SLCO1B3: variants seen among roughly 807,000 people sequenced by gnomAD.
The protein encoded by SLCO1B3 is liver-specific organic anion transporter 2.
SLCO1B3 carries 72 observed loss-of-function variants against 71.8 expected under a neutral mutation model. That is an observed-to-expected ratio of 1.00 (90% CI 0.83 to 1.22). The LOEUF is 1.22. Among genes scored for constraint, SLCO1B3 ranks in the 50% most tolerant of loss-of-function variants. The pLI, the probability that SLCO1B3 is intolerant of heterozygous loss-of-function variation, is 0.00. For missense variants in SLCO1B3, 911 were observed against 819.7 expected (o/e 1.11, Z -1.36); for synonymous variants, 298 against 278.4 (o/e 1.07, Z -0.70).
intron 3 of SLCO1B3, among the ~76,000 whole-genome samples, chr12:20,845,877 G>A (rs1452613551): frequency 6.6e-6 from 1 of 151,636 alleles, no homozygotes; most frequent in Non-Finnish European, 1.5e-5. Flanking sequence ...AGTAGTAATT[G>A]TTTTATGAAT....
intron 3 of SLCO1B3, among the ~76,000 whole-genome samples, chr12:20,841,079 A>C (rs574686657): frequency 6.6e-6 from 1 of 150,458 alleles, no homozygotes; most frequent in Admixed American, 6.6e-5. Context: ...ATTATAGTAC[A>C]TTTTTTTTTC....
intron 3 of SLCO1B3, among the ~76,000 whole-genome samples, chr12:20,829,949 G>C (rs886383613): frequency 2.0e-5 from 3 of 152,116 alleles, no homozygotes; most frequent in Non-Finnish European, 4.4e-5. Context: ...GTGGGTTTTG[G>C]CCAGCTCCTT....
intron 13 of SLCO1B3, among the ~76,000 whole-genome samples, chr12:20,885,737 G>T (rs999001380): frequency 3.5e-4 from 53 of 151,942 alleles, no homozygotes; most frequent in Non-Finnish European, 6.3e-4. Flanking sequence ...TTAGAAAAAA[G>T]TGTGTGAGGA....
intron 15 of SLCO1B3, among the ~76,000 whole-genome samples, chr12:20,912,647 C>T (rs537509515): frequency 2.2e-4 from 34 of 151,934 alleles, no homozygotes; most frequent in Middle Eastern, 6.8e-3. Flanking sequence ...CCTCAGCCTC[C>T]TGAATAGCTG....
At position 20,903,073 on chromosome 12, in the gene SLCO1B3, C is replaced by CAAAAAAAAA. The variant is rs55777703; in HGVS notation, c.1865+1613_1865+1621dup. Among the ~76,000 whole-genome samples the CAAAAAAAAA allele has an allele frequency of 1.6e-3, 200 of 128,440 alleles. 2 individuals carry two copies. The highest frequency in any genetic ancestry group is 4.4e-3 in the Middle Eastern group (1 of 228). The allele number at this position is 128,440 out of a possible 152,430, so 84.3% of individuals were successfully genotyped here. ...TGGGCGACAGAGCAGGATTCCATCT[C>CAAAAAAAAA]AAAAAAAAAAAAAAATCAATGCAAA... On this transcript the variant is annotated intron_variant, in intron 15 of 15. Coordinates refer to ENST00000381545, the MANE Select transcript of SLCO1B3 (RefSeq NM_019844.4).
chr12:20,883,476 C>A lies in SLCO1B3; in HGVS notation c.1556C>A (p.Ala519Glu). ...VTGLQNRNYS[A>E]HLGECPRDNT... The stretch of plus-strand genomic sequence containing the variant: ...GGTCTCCAGAACAGAAATTACTCAG[C>A]ACACTTGGGTGAATGCCCAAGAGAT... The change falls in exon 13 of 16, where the codon GCA (alanine) becomes GAA (glutamate). Residue 519 changes from alanine (A) to glutamate (E), a missense_variant. Transcript: ENST00000381545. The A allele has an allele frequency of 6.3e-7, 1 of 1,594,230 alleles. No homozygotes were observed. Among genetic ancestry groups the A allele is most frequent in the South Asian group, 1.1e-5 (1 of 88,180 alleles).
rs1013452219 is a variant in SLCO1B3, at chr12:20,854,892, G to A, written c.85-136G>A. On this transcript the variant is annotated intron_variant, in intron 3 of 15. Transcript: ENST00000381545. Reference sequence around the variant, plus strand: ...TTATAGGGCTGAGAAGTTTCAACTTGTATAGGGAAAAATGGGTATTTTTTT... The same window carrying A: ...TTATAGGGCTGAGAAGTTTCAACTTATATAGGGAAAAATGGGTATTTTTTT... 3.1e-5 allele frequency: 24 copies of A among 771,036 alleles called. No homozygotes were observed. In the South Asian group the frequency reaches 4.2e-4, roughly 13 times the overall value. 47.8% of individuals were successfully genotyped at this position (771,036 alleles called of 1,614,324 possible).
At position 20,832,549 on chromosome 12, in the gene SLCO1B3, C is replaced by T. The variant is rs60951851; in HGVS notation, c.84+16727C>T. Reference sequence around the variant, plus strand: ...AGTCTCCCCTTTCTGCCTTCATTGTCACTCCCTTTCTGGAATAATCACTCC... The same window carrying T: ...AGTCTCCCCTTTCTGCCTTCATTGTTACTCCCTTTCTGGAATAATCACTCC... On this transcript the variant is annotated intron_variant, in intron 3 of 15. Transcript: ENST00000381545. 3.3e-3 allele frequency among the ~76,000 whole-genome samples: 503 copies of T among 152,138 alleles called. 15 individuals carry two copies. The East Asian group carries it at 0.079, about 24-fold the overall frequency.
intron 3 of SLCO1B3, among the ~76,000 whole-genome samples, chr12:20,850,373 G>A (rs1296588285): frequency 2.6e-5 from 4 of 151,178 alleles, no homozygotes; most frequent in Admixed American, 1.3e-4. Flanking sequence ...TCTGCCTCCC[G>A]GGATCACGCC....
intron 8 of SLCO1B3, among the ~76,000 whole-genome samples, chr12:20,869,433 G>A (rs1436240492): frequency 2.0e-5 from 3 of 152,124 alleles, no homozygotes; most frequent in African/African-American, 7.2e-5. Flanking sequence ...AAGAGTAATT[G>A]CTACAAACTA....
At chr12:20,831,939 A>G (rs1184210299) in intron 3 of SLCO1B3, among the ~76,000 whole-genome samples, 5 of 152,130 alleles carry the variant, frequency 3.3e-5, no homozygotes, top group Non-Finnish European at 5.9e-5. Context: ...CATCAACCAG[A>G]TGTTATTATC....
intron 3 of SLCO1B3, among the ~76,000 whole-genome samples, chr12:20,844,517 G>A (rs1317628383): frequency 6.6e-6 from 1 of 150,852 alleles, no homozygotes. Context: ...GCAGTGAGCC[G>A]AGATCACACC....
At chr12:20,850,504 G>C (rs954873045) in intron 3 of SLCO1B3, among the ~76,000 whole-genome samples, 2 of 151,856 alleles carry the variant, frequency 1.3e-5, no homozygotes, top group African/African-American at 4.8e-5. Flanking sequence ...GGATGGTCTC[G>C]ATCTCCTGAC....
chr12:20,866,445 A>C lies in SLCO1B3; in HGVS notation c.727+3591A>C, dbSNP rs542708571. On this transcript the variant is annotated intron_variant, in intron 8 of 15. Coordinates refer to ENST00000381545, the MANE Select transcript of SLCO1B3 (RefSeq NM_019844.4). ...GATGCAAGATTGCTATCAGAAAGGC[A>C]TAACTGTAGACTCGAAACATGATTC... is the stretch of plus-strand genomic sequence containing the variant. 3.3e-5 allele frequency among the ~76,000 whole-genome samples: 4 copies of C among 120,990 alleles called. No homozygotes were observed. The South Asian group carries it at 1.5e-3, about 45-fold the overall frequency. 79.4% of individuals were successfully genotyped at this position (120,990 alleles called of 152,430 possible).
At chr12:20,847,019 TG>T (rs1355788149) in intron 3 of SLCO1B3, among the ~76,000 whole-genome samples, 4 of 152,140 alleles carry the variant, frequency 2.6e-5, no homozygotes, top group Admixed American at 6.5e-5. Flanking sequence ...AGCTGGAGGT[TG>T]GTAGTTCACA....
chr12:20,819,413 T>C (rs952347094), intron 3 of SLCO1B3, among the ~76,000 whole-genome samples: 2 of 152,164 alleles, frequency 1.3e-5, no homozygotes, highest in African/African-American at 4.8e-5. Context: ...TTGCTGAGCC[T>C]GATGGGTGTC....
chr12:20,833,488 A>G (rs1864588620), intron 3 of SLCO1B3, among the ~76,000 whole-genome samples: 1 of 149,036 alleles, frequency 6.7e-6, no homozygotes, highest in Non-Finnish European at 1.5e-5. Flanking sequence ...ACATATACAC[A>G]GATATATACA....
chr12:20,901,482 A>G lies in SLCO1B3; in HGVS notation c.1865+15A>G, dbSNP rs973290839. 25 of 1,322,888 alleles carry G rather than the reference A, an allele frequency of 1.9e-5. No homozygotes were observed. The highest frequency in any genetic ancestry group is 2.5e-5 in the Non-Finnish European group (24 of 954,664). 81.9% of individuals were successfully genotyped at this position (1,322,888 alleles called of 1,614,324 possible). On this transcript the variant is annotated intron_variant, in intron 15 of 15. Transcript: ENST00000381545. ...GTATTTTTTGGGTAAGTTGTCGTAA[A>G]CACATTTCATTAATAGATTTTTTCT... is the stretch of plus-strand genomic sequence containing the variant.
At chr12:20,820,346 G>T (rs955808469) in intron 3 of SLCO1B3, among the ~76,000 whole-genome samples, 1 of 152,132 alleles carries the variant, frequency 6.6e-6, no homozygotes, top group Non-Finnish European at 1.5e-5. Flanking sequence ...GGGAGTGGCT[G>T]CCAGGTGAGT....
Sources: gnomAD v4.1 joint callset for allele counts (sites outside exome capture counted in the v4.1 genomes callset) on GRCh38, gnomAD v4.1.1 for gene constraint, MANE v1.5 for transcripts, NCBI Gene and HGNC (gene_info 2026-07-23, HGNC 2026-07-21) for gene names.